The following SPTBN4 variants were observed in gnomAD, a reference collection of about 807,000 sequenced individuals.
The protein encoded by SPTBN4 is spectrin beta chain, non-erythrocytic 4.
In SPTBN4, 96 loss-of-function variants were observed where a neutral mutation model predicts 277.8. That is an observed-to-expected ratio of 0.35 (90% confidence interval 0.29 to 0.41). The LOEUF is 0.41. SPTBN4 is among the 10% of genes least tolerant of loss of function. The pLI, the probability that SPTBN4 is intolerant of heterozygous loss-of-function variation, is 1.00. For synonymous variants in SPTBN4, 1,481 were observed against 1,580.3 expected (o/e 0.94, Z 1.49); for missense variants, 3,006 against 3,595.7 (o/e 0.84, Z 4.19).
chr19:40,475,339 T>C (rs1416672457), intron 2 of SPTBN4, among the ~76,000 whole-genome samples: 1 of 152,146 alleles, frequency 6.6e-6, no homozygotes, highest in Non-Finnish European at 1.5e-5. Flanking sequence ...TAGATGATCA[T>C]AATCATGAAT....
At position 40,503,819 on chromosome 19, in the gene SPTBN4, C is replaced by A; in HGVS notation, c.1363-11C>A. On this transcript the variant is annotated splice_polypyrimidine_tract_variant and intron_variant, in intron 11 of 35. Transcript: ENST00000598249. ...AGGCAGCATGGGTGAGTGTCTGGCT[C>A]ACTGCCCCAGGACAACTTTGGGTAT... is the stretch of plus-strand genomic sequence containing the variant. The A allele has an allele frequency of 6.4e-7, 1 of 1,568,490 alleles. No individual in the cohort carries two copies. The highest frequency in any genetic ancestry group is 1.7e-4 in the Middle Eastern group (1 of 5,832).
chr19:40,504,243 A>G, intron 12 of SPTBN4, 111 bp downstream of exon 12: 2 of 1,165,606 alleles, frequency 1.7e-6, no homozygotes, highest in Non-Finnish European at 2.4e-6. Flanking sequence ...GCAGAGATAG[A>G]AGAAGATAGA....
At chr19:40,571,951 G>C in intron 33 of SPTBN4, 68 bp from the exon 34 acceptor site, 2 of 1,475,294 alleles carry the variant, frequency 1.4e-6, no homozygotes, top group South Asian at 2.8e-5. Flanking sequence ...CAGACCTTGA[G>C]GATGTTAATG....
Position 40,520,145 on chromosome 19 carries a change from T to A in SPTBN4, c.3648T>A (p.Arg1216=). 7.0e-7 allele frequency: 1 copy of A among 1,420,870 alleles called. No individual in the cohort carries two copies. Among genetic ancestry groups the A allele is most frequent in the Non-Finnish European group, 9.2e-7 (1 of 1,087,802 alleles). The allele number at this position is 1,420,870 out of a possible 1,614,324, so 88.0% of individuals were successfully genotyped here. A position where few individuals can be genotyped will look rare whatever the true frequency, so the allele number is the denominator to read the frequency against. Residue 1216 remains arginine, a synonymous_variant, in exon 16 of 36, where the codon CGT becomes CGA. Transcript: ENST00000598249. ...TACGCCAGGCGCTCGTGGTGCTGCG[T>A]AACCAGGTGCCCACTCGGGGTGTAC... ...RDLRQALVVL[R]NQEMALSGAE...
In SPTBN4 at chr19:40,549,240, G is replaced by A; in HGVS notation, c.4411G>A (p.Ala1471Thr). 1 of 1,548,136 alleles carries A rather than the reference G, an allele frequency of 6.5e-7. No individual in the cohort carries two copies. The highest frequency in any genetic ancestry group is 8.7e-7 in the Non-Finnish European group (1 of 1,147,122). The change falls in exon 21 of 36, where the codon GCG becomes ACG. Residue 1471 changes from alanine (A) to threonine (T), a missense_variant. Around this residue, in one of 5 missense-constraint regions of SPTBN4, gnomAD observed 1,759 missense variants for 2,061.5 expected, o/e 0.85. Coordinates refer to ENST00000598249, the MANE Select transcript of SPTBN4 (RefSeq NM_020971.3). The part of the protein sequence containing the change: ...EWYREVGELQ[A>T]QTAALPLEPA... ...GTACCGCGAGGTGGGAGAGCTGCAG[G>A]CGCAGACGGCGGCGCTGCCGCTGGA...
intron 7 of SPTBN4, among the ~76,000 whole-genome samples, chr19:40,500,096 C>T (rs1003921594): frequency 1.2e-5 from 1 of 83,152 alleles, no homozygotes; most frequent in Non-Finnish European, 2.4e-5. Context: ...GTAGTCCCAG[C>T]TACACAGGAG....
chr19:40,545,885 C>CA (rs934074906), intron 20 of SPTBN4, among the ~76,000 whole-genome samples: 7 of 151,430 alleles, frequency 4.6e-5, no homozygotes, highest in Admixed American at 1.3e-4. Flanking sequence ...ACTAAAAATA[C>CA]AAAAAAAATT....
chr19:40,538,628 C>A (rs1400978846), intron 20 of SPTBN4, among the ~76,000 whole-genome samples: 1 of 152,146 alleles, frequency 6.6e-6, no homozygotes, highest in Non-Finnish European at 1.5e-5. Context: ...ACCTCTGTCA[C>A]CCAGGCTGAA....
intron 17 of SPTBN4, among the ~76,000 whole-genome samples, chr19:40,527,614 C>T (rs896380020): frequency 2.6e-5 from 4 of 152,214 alleles, no homozygotes; most frequent in Admixed American, 6.5e-5. Context: ...AAGGAGCATT[C>T]CCAGCAGAGG....
At chr19:40,539,941 T>C (rs1455505139) in intron 20 of SPTBN4, among the ~76,000 whole-genome samples, 1 of 151,700 alleles carries the variant, frequency 6.6e-6, no homozygotes, top group African/African-American at 2.4e-5. Context: ...TTTTTTTTTT[T>C]TTAGACCAAG....
At chr19:40,496,219 G>A (rs1006388775) in intron 6 of SPTBN4, among the ~76,000 whole-genome samples, 5 of 152,028 alleles carry the variant, frequency 3.3e-5, no homozygotes, top group Non-Finnish European at 4.4e-5. Flanking sequence ...GCACGATCTC[G>A]GCTCACTGCA....
chr19:40,524,500 C>G, intron 17 of SPTBN4: 1 of 444,008 alleles, frequency 2.3e-6, no homozygotes, highest in South Asian at 1.6e-5. Flanking sequence ...CAGCAACATT[C>G]TGTCCCCCCT....
chr19:40,570,594 C>T lies in SPTBN4; in HGVS notation c.7185C>T (p.Ser2395=). 1.5e-6 allele frequency: 2 copies of T among 1,377,098 alleles called. No homozygotes were observed. Among genetic ancestry groups the T allele is most frequent in the Non-Finnish European group, 1.9e-6 (2 of 1,065,854 alleles). 85.3% of individuals were successfully genotyped at this position (1,377,098 alleles called of 1,614,324 possible). A position where few individuals can be genotyped will look rare whatever the true frequency, so the allele number is the denominator to read the frequency against. ...GAGAGGGTGGTGAGGGCGGGGGAAG[C>T]CGGCGCTCGCGCTCCGCCCCGGCCC... ...RPREGGEGGG[S]RRSRSAPAQG... Residue 2395 remains serine, a synonymous_variant, in exon 33 of 36, where the codon AGC becomes AGT. Transcript: ENST00000598249.
At chr19:40,482,953 T>C (rs1041270330) in intron 2 of SPTBN4, among the ~76,000 whole-genome samples, 12 of 151,748 alleles carry the variant, frequency 7.9e-5, no homozygotes, top group African/African-American at 1.2e-4. Flanking sequence ...AGAGGGAGAC[T>C]CCATTTCAAA....
Position 40,550,309 on chromosome 19 carries a change from G to A in SPTBN4, c.4656G>A (p.Gln1552=). 4 of 1,609,976 alleles carry A rather than the reference G, an allele frequency of 2.5e-6. No homozygotes were observed. Among genetic ancestry groups the A allele is most frequent in the African/African-American group, 1.3e-5 (1 of 75,030 alleles). Residue 1552 remains glutamine, a synonymous_variant, in exon 22 of 36, where the codon CAG becomes CAA. Coordinates refer to ENST00000598249, the MANE Select transcript of SPTBN4 (RefSeq NM_020971.3). ...ERGNGLQAVQ[Q]HIKKNQGLRR... is the part of the protein sequence containing the mutation. ...GCAACGGTTTGCAGGCGGTCCAGCA[G>A]CACATCAAAAAGAACCAGGTGAGCA...
At chr19:40,522,890 G>C (rs546894305) in intron 16 of SPTBN4, among the ~76,000 whole-genome samples, 1 of 151,914 alleles carries the variant, frequency 6.6e-6, no homozygotes, top group Non-Finnish European at 1.5e-5. Context: ...CCAGCACTTC[G>C]GGAGTCCAAG....
At chr19:40,540,190 G>A (rs187813729) in intron 20 of SPTBN4, among the ~76,000 whole-genome samples, 97 of 152,234 alleles carry the variant, frequency 6.4e-4, no homozygotes, top group African/African-American at 2.1e-3. Flanking sequence ...GCCTCCCAAA[G>A]TGCTGGGATA....
chr19:40,527,960 G>T (rs1422708481), intron 17 of SPTBN4, among the ~76,000 whole-genome samples: 5 of 151,162 alleles, frequency 3.3e-5, no homozygotes, highest in Non-Finnish European at 7.4e-5. Context: ...GGAGGCTGAG[G>T]CCGGAGAATC....
chr19:40,548,696 CA>C (rs2080883780), intron 20 of SPTBN4, among the ~76,000 whole-genome samples: 1 of 149,020 alleles, frequency 6.7e-6, no homozygotes. Flanking sequence ...GCCTGGGCAA[CA>C]GAGCGAGACT....
Sources: allele counts gnomAD v4.1 joint callset (sites outside exome capture counted in the v4.1 genomes callset), GRCh38; gene constraint gnomAD v4.1.1; regional missense constraint gnomAD v4.1.1; transcripts MANE v1.5; gene names NCBI Gene and HGNC (gene_info 2026-07-23, HGNC 2026-07-21).